FBXL20: variants seen among roughly 807,000 people sequenced by gnomAD.
FBXL20 encodes F-box/LRR-repeat protein 20.
In FBXL20, 11 loss-of-function variants were observed where a neutral mutation model predicts 64.0. The observed-to-expected ratio is 0.17, with a 90% confidence interval of 0.11 to 0.28. The LOEUF (loss-of-function observed/expected upper bound fraction) is 0.28, where lower values mean the gene tolerates loss of function less well. Among genes scored for constraint, FBXL20 ranks in the 10% least tolerant of loss-of-function variants. The probability of loss-of-function intolerance (pLI) is 1.00; values close to 1 mark genes in which losing one functional copy is unlikely to be tolerated. For missense variants in FBXL20, 303 were observed against 526.2 expected, an observed-to-expected ratio of 0.58 and a Z score of 4.15; for synonymous variants, 184 against 189.0, an observed-to-expected ratio of 0.97 and a Z score of 0.22.
intron 7 of FBXL20, among the ~76,000 whole-genome samples, chr17:39,284,638 C>A (rs1250524800): frequency 6.6e-6 from 1 of 152,058 alleles, no homozygotes; most frequent in Non-Finnish European, 1.5e-5. Context: ...CTTACCATGG[C>A]CTCCCAAAGT....
chr17:39,313,225 G>GT (rs752762456), intron 2 of FBXL20, among the ~76,000 whole-genome samples: 3 of 146,418 alleles, frequency 2.0e-5, no homozygotes, highest in South Asian at 4.3e-4. Flanking sequence ...CCATCTTTTT[G>GT]TTTTTTTCTT....
At chr17:39,344,108 C>T (rs1187677748) in intron 1 of FBXL20, among the ~76,000 whole-genome samples, 1 of 152,094 alleles carries the variant, frequency 6.6e-6, no homozygotes, top group Non-Finnish European at 1.5e-5. Context: ...GTGATCCACC[C>T]GCCTTGGCCT....
Position 39,401,343 on chromosome 17 carries a change from AG to A in FBXL20, c.42+17del, listed in dbSNP as rs1275683295. On this transcript the variant is annotated intron_variant, in intron 1 of 14. Transcript: ENST00000264658. ...CGACCCGCCCTCCTCACGCCGCCCGAGCCCCCCAAGCTCACACCTCAAACCT... is the reference window on the plus strand; with the variant it reads ...CGACCCGCCCTCCTCACGCCGCCCGACCCCCCAAGCTCACACCTCAAACCT... 2.5e-6 allele frequency: 4 copies of A among 1,611,768 alleles called. No individual in the cohort carries two copies. Among genetic ancestry groups the A allele is most frequent in the South Asian group, 1.1e-5 (1 of 91,016 alleles).
chr17:39,296,046 G>C (rs987934934), intron 6 of FBXL20, among the ~76,000 whole-genome samples: 1 of 151,976 alleles, frequency 6.6e-6, no homozygotes, highest in African/African-American at 2.4e-5. Context: ...TTGAGGATAA[G>C]ATAGATTCTG....
intron 6 of FBXL20, among the ~76,000 whole-genome samples, chr17:39,293,140 C>T (rs945375986): frequency 1.3e-5 from 2 of 151,892 alleles, no homozygotes; most frequent in Admixed American, 1.3e-4. Flanking sequence ...CTGTATGCCA[C>T]ATTGCTGGGT....
At chr17:39,318,676 G>A (rs377566399) in intron 2 of FBXL20, among the ~76,000 whole-genome samples, 10 of 152,210 alleles carry the variant, frequency 6.6e-5, no homozygotes, top group Admixed American at 2.6e-4. Context: ...GGAGGCGAAG[G>A]TTTCAGTGAG....
chr17:39,295,784 GATAT>G (rs10568875), intron 6 of FBXL20, among the ~76,000 whole-genome samples: 8 of 137,070 alleles, frequency 5.8e-5, no homozygotes, highest in African/African-American at 1.6e-4. Flanking sequence ...CAAATATGGA[GATAT>G]ATATATATAT....
At chr17:39,313,511 G>A (rs2047256077) in intron 2 of FBXL20, among the ~76,000 whole-genome samples, 1 of 152,188 alleles carries the variant, frequency 6.6e-6, no homozygotes, top group Non-Finnish European at 1.5e-5. Context: ...GGGATTACAG[G>A]TGTGAGCCAC....
intron 2 of FBXL20, among the ~76,000 whole-genome samples, chr17:39,329,537 T>C (rs1331968964): frequency 6.6e-6 from 1 of 152,178 alleles, no homozygotes; most frequent in Admixed American, 6.5e-5. Flanking sequence ...ACTGTGCCAA[T>C]GCTCGTTATC....
At chr17:39,335,305 C>T (rs928921178) in intron 2 of FBXL20, among the ~76,000 whole-genome samples, 3 of 151,900 alleles carry the variant, frequency 2.0e-5, no homozygotes, top group African/African-American at 7.3e-5. Flanking sequence ...TTGTTCAAGG[C>T]TCAGTCCTTT....
chr17:39,374,192 A>G (rs1169087123), intron 1 of FBXL20, among the ~76,000 whole-genome samples: 1 of 150,516 alleles, frequency 6.6e-6, no homozygotes, highest in African/African-American at 2.4e-5. Context: ...GGCACTGCAC[A>G]CTAGCCTGGG....
At chr17:39,308,605 C>T (rs2047204642) in intron 2 of FBXL20, among the ~76,000 whole-genome samples, 1 of 149,878 alleles carries the variant, frequency 6.7e-6, no homozygotes, top group South Asian at 2.1e-4. Context: ...TGCTCTGTCA[C>T]CCAGGCTGGA....
intron 6 of FBXL20, among the ~76,000 whole-genome samples, chr17:39,296,282 C>T (rs987668233): frequency 1.3e-5 from 2 of 152,004 alleles, no homozygotes; most frequent in African/African-American, 4.8e-5. Context: ...TAGCAGAGGC[C>T]AGGCGCGGTG....
intron 10 of FBXL20, among the ~76,000 whole-genome samples, chr17:39,274,078 T>C (rs1383525574): frequency 6.6e-6 from 1 of 152,132 alleles, no homozygotes; most frequent in Non-Finnish European, 1.5e-5. Context: ...TTTCGCCATG[T>C]TGCCCATGCT....
At chr17:39,280,591 TAACA>T (rs1268387287) in intron 9 of FBXL20, among the ~76,000 whole-genome samples, 1 of 128,218 alleles carries the variant, frequency 7.8e-6, no homozygotes, top group Non-Finnish European at 1.7e-5. Context: ...AATAAATAAA[TAACA>T]AAATAAAGAT....
At chr17:39,274,069 T>C (rs989415512) in intron 10 of FBXL20, among the ~76,000 whole-genome samples, 2 of 151,922 alleles carry the variant, frequency 1.3e-5, no homozygotes, top group Admixed American at 6.6e-5. Flanking sequence ...GTGACAGGGT[T>C]TCGCCATGTT....
intron 2 of FBXL20, among the ~76,000 whole-genome samples, chr17:39,333,426 CAG>C (rs1209738309): frequency 1.3e-5 from 2 of 152,372 alleles, no homozygotes; most frequent in South Asian, 2.1e-4. Flanking sequence ...GGACTGCAGA[CAG>C]AGTGTCGCTC....
At chr17:39,298,720 TAAAATAAAA>T (rs1409232757) in intron 5 of FBXL20, among the ~76,000 whole-genome samples, 20 of 152,034 alleles carry the variant, frequency 1.3e-4, no homozygotes, top group Admixed American at 7.2e-4. Context: ...TCTCAAAACA[TAAAATAAAA>T]ATATTAATTA....
intron 2 of FBXL20, among the ~76,000 whole-genome samples, chr17:39,334,279 G>T (rs550812110): frequency 1.3e-5 from 2 of 152,182 alleles, no homozygotes; most frequent in South Asian, 2.1e-4. Context: ...CAGCATGCTT[G>T]TTAAGAGTCA....
Sources: allele counts gnomAD v4.1 joint callset (sites outside exome capture counted in the v4.1 genomes callset), GRCh38; gene constraint gnomAD v4.1.1; transcripts MANE v1.5; gene names NCBI Gene and HGNC (gene_info 2026-07-23, HGNC 2026-07-21).